DEPDC5: variants seen among roughly 807,000 people sequenced by gnomAD.
DEPDC5 encodes the protein GATOR1 complex protein DEPDC5.
DEPDC5 carries 73 observed loss-of-function variants against 217.3 expected under a neutral mutation model. The ratio of observed to expected loss-of-function variants is 0.34; its 90% CI spans 0.28 to 0.41. DEPDC5 has a LOEUF of 0.41. Ranked by LOEUF, DEPDC5 falls within the 10% of genes least tolerant of loss-of-function variation. The pLI, the probability that DEPDC5 is intolerant of heterozygous loss-of-function variation, is 1.00. For synonymous variants in DEPDC5, 733 were observed against 756.7 expected (o/e 0.97, Z 0.51); for missense variants, 1,675 against 2,070.1 (o/e 0.81, Z 3.70).
At chr22:31,905,876 C>A in intron 41 of DEPDC5, 108 bp from the exon 42 acceptor site, 2 of 973,646 alleles carry the variant, frequency 2.1e-6, no homozygotes, top group East Asian at 2.5e-5. Context: ...GAGATCTTTC[C>A]AGATCTCTGT....
At chr22:31,789,727 T>G (rs1197208487) in intron 10 of DEPDC5, among the ~76,000 whole-genome samples, 1 of 152,180 alleles carries the variant, frequency 6.6e-6, no homozygotes. Flanking sequence ...AGAGTTTGGA[T>G]TAAGGCAGAC....
At chr22:31,781,234 CAAAA>C (rs1288893852) in intron 8 of DEPDC5, among the ~76,000 whole-genome samples, 29 of 126,866 alleles carry the variant, frequency 2.3e-4, no homozygotes, top group East Asian at 4.5e-4. Flanking sequence ...AACAAACAAA[CAAAA>C]AAAAAAAAAC....
Position 31,802,797 on chromosome 22 carries a change from G to C in DEPDC5, c.1040G>C (p.Arg347Pro). 11 of 1,607,200 alleles carry C rather than the reference G, an allele frequency of 6.8e-6. No individual in the cohort carries two copies. The highest frequency in any genetic ancestry group is 7.6e-6 in the Non-Finnish European group (9 of 1,177,134). The change falls in exon 15 of 43, where the codon CGC becomes CCC. Residue 347 changes from arginine (R) to proline (P), a missense_variant. By Grantham distance (103) the Arg-to-Pro change is moderately radical. Around this residue, in one of 11 missense-constraint regions of DEPDC5, gnomAD observed 628 missense variants for 762.1 expected, o/e 0.82. Transcript: ENST00000651528. ...GGGGTGGGTGTCTTTGAAGTGGACC[G>C]CCTACTCATGATCCTGACCAAGCAG... is the stretch of plus-strand genomic sequence containing the variant. ...TPGVGVFEVD[R>P]LLMILTKQRM...
intron 38 of DEPDC5, among the ~76,000 whole-genome samples, chr22:31,893,109 C>T (rs983498143): frequency 6.6e-5 from 10 of 151,942 alleles, no homozygotes; most frequent in Non-Finnish European, 1.3e-4. Flanking sequence ...CTCTTGACCT[C>T]GTGATCTGCT....
chr22:31,836,748 T>C (rs1336919803), intron 25 of DEPDC5: 2 of 507,874 alleles, frequency 3.9e-6, no homozygotes, highest in Non-Finnish European at 3.5e-6. Flanking sequence ...TGAATCCCAT[T>C]TGCATGATGG....
chr22:31,853,141 T>G (rs2092119552), intron 31 of DEPDC5: 1 of 152,186 alleles, frequency 6.6e-6, no homozygotes, highest in Non-Finnish European at 1.5e-5. Context: ...ATCACAGACT[T>G]TTCCCACTGG....
At chr22:31,844,635 G>A (rs926419728) in intron 29 of DEPDC5, 11 of 209,290 alleles carry the variant, frequency 5.3e-5, no homozygotes, top group South Asian at 7.5e-5. Context: ...GGGCCTGGGT[G>A]TGCAGAAGCA....
intron 8 of DEPDC5, among the ~76,000 whole-genome samples, chr22:31,781,115 C>A (rs2084382468): frequency 6.6e-6 from 1 of 151,678 alleles, no homozygotes; most frequent in South Asian, 2.1e-4. Flanking sequence ...ACTTGGGAGG[C>A]TGAGGCAAGA....
chr22:31,869,385 G>T (rs1032295760), intron 33 of DEPDC5, among the ~76,000 whole-genome samples: 1 of 151,978 alleles, frequency 6.6e-6, no homozygotes, highest in Non-Finnish European at 1.5e-5. Flanking sequence ...TAAGGGAGCA[G>T]CGTTTAAAAT....
chr22:31,870,209 A>T (rs1397763856), intron 33 of DEPDC5, among the ~76,000 whole-genome samples: 1 of 152,224 alleles, frequency 6.6e-6, no homozygotes, highest in Non-Finnish European at 1.5e-5. Flanking sequence ...ATAAGGAGTG[A>T]TTCTGACTTC....
At chr22:31,849,322 G>C (rs1274337448) in intron 31 of DEPDC5, among the ~76,000 whole-genome samples, 1 of 152,258 alleles carries the variant, frequency 6.6e-6, no homozygotes, top group East Asian at 1.9e-4. Context: ...CCAGAGACTG[G>C]GTAATTTATA....
chr22:31,813,527 G>A (rs1045016317), intron 20 of DEPDC5, among the ~76,000 whole-genome samples: 3 of 152,140 alleles, frequency 2.0e-5, no homozygotes, highest in African/African-American at 7.2e-5. Flanking sequence ...AGGAGGAAAG[G>A]GAGCAGCTCT....
intron 8 of DEPDC5, among the ~76,000 whole-genome samples, chr22:31,780,454 G>A (rs774138417): frequency 6.6e-6 from 1 of 152,158 alleles, no homozygotes; most frequent in Non-Finnish European, 1.5e-5. Context: ...AGTTGAGTCT[G>A]GAGTTCTCGT....
Position 31,837,025 on chromosome 22 carries a change from G to A in DEPDC5, c.2224G>A (p.Val742Met), listed in dbSNP as rs2091056174. 1 of 1,613,988 alleles carries A rather than the reference G, an allele frequency of 6.2e-7. No individual in the cohort carries two copies. The highest frequency in any genetic ancestry group is 1.3e-5 in the African/African-American group (1 of 74,870). Reference protein sequence around the residue: ...VVPGFCCTVGVDWKSLTTPAC... With the variant: ...VVPGFCCTVGMDWKSLTTPAC... The stretch of plus-strand genomic sequence containing the variant: ...GCCAGGCTTCTGTTGCACAGTTGGA[G>A]TGGACTGGAAGTCTCTCACTACTCC... The change falls in exon 26 of 43, where the codon GTG (valine) becomes ATG (methionine). Residue 742 changes from valine to methionine, a missense_variant. Val to Met is a conservative substitution (Grantham distance 21). This residue lies in a region of DEPDC5 where 8 missense variants were observed against 30.3 expected (regional missense o/e 0.26). Transcript: ENST00000651528.
chr22:31,890,394 A>C (rs893708849), intron 38 of DEPDC5: 2 of 152,172 alleles, frequency 1.3e-5, no homozygotes, highest in Non-Finnish European at 2.9e-5. Flanking sequence ...AGACATCACT[A>C]CTGAAAACCA....
chr22:31,810,430 G>C (rs2088143134), intron 19 of DEPDC5, 91 bp from the exon 20 acceptor site: 1 of 1,573,764 alleles, frequency 6.4e-7, no homozygotes, highest in East Asian at 2.3e-5. Context: ...AAATGTATTT[G>C]GATGACAATT....
At chr22:31,805,942 C>T (rs1429498486) in intron 17 of DEPDC5, among the ~76,000 whole-genome samples, 180 bp from the exon 18 acceptor site, 1 of 152,040 alleles carries the variant, frequency 6.6e-6, no homozygotes, top group Non-Finnish European at 1.5e-5. Flanking sequence ...TACCAAAAAA[C>T]AAAACATAAC....
intron 32 of DEPDC5, among the ~76,000 whole-genome samples, chr22:31,860,196 G>A (rs1253917521): frequency 1.3e-5 from 2 of 152,212 alleles, no homozygotes; most frequent in African/African-American, 4.8e-5. Context: ...GATGGCCAAA[G>A]CAGAGAGCCC....
chr22:31,876,999 C>T (rs566586532), intron 37 of DEPDC5, among the ~76,000 whole-genome samples: 21 of 151,992 alleles, frequency 1.4e-4, no homozygotes, highest in Admixed American at 2.6e-4. Context: ...CAAAATTAGC[C>T]GGGTGTGGTG....
Sources: gnomAD v4.1 joint callset for allele counts (sites outside exome capture counted in the v4.1 genomes callset) on GRCh38, gnomAD v4.1.1 for gene constraint, gnomAD v4.1.1 regional missense constraint, MANE v1.5 for transcripts, NCBI Gene and HGNC (gene_info 2026-07-23, HGNC 2026-07-21) for gene names.